Variants in NAA11 observed in about 807,000 individuals in gnomAD.
The protein encoded by NAA11 is N-alpha-acetyltransferase 11, NatA catalytic subunit.
In NAA11, 15 loss-of-function variants were observed where a neutral mutation model predicts 16.1. The ratio of observed to expected loss-of-function variants is 0.93; its 90% CI spans 0.62 to 1.44. The LOEUF (loss-of-function observed/expected upper bound fraction) is 1.44, where lower values mean the gene tolerates loss of function less well. Ranked by LOEUF, NAA11 falls within the 40% of genes most tolerant of loss-of-function variation. NAA11 has a pLI of 0.00. For missense variants in NAA11, 298 were observed against 291.3 expected (o/e 1.02, Z -0.17); for synonymous variants, 122 against 112.4 (o/e 1.09, Z -0.54).
downstream of NAA11, among the ~76,000 whole-genome samples, chr4:79,224,239 G>A (rs138776977): frequency 4.7e-3 from 722 of 152,212 alleles, 2 homozygotes; most frequent in Middle Eastern, 0.034. Context: ...GGCGGCCACT[G>A]CTACAGGCAC....
chr4:79,240,875 G>T (rs1420203384), intron 2 of NAA11, among the ~76,000 whole-genome samples: 1 of 152,016 alleles, frequency 6.6e-6, no homozygotes, highest in Non-Finnish European at 1.5e-5. Context: ...GAGAAGTATA[G>T]CAACTAAAAA....
chr4:79,312,915 T>C (rs193037024), downstream of NAA11, among the ~76,000 whole-genome samples: 1 of 152,336 alleles, frequency 6.6e-6, no homozygotes, highest in East Asian at 1.9e-4. Flanking sequence ...CTGAAAAATA[T>C]ATTACATATG....
intron 1 of NAA11, among the ~76,000 whole-genome samples, chr4:79,323,005 C>G (rs911603765): frequency 6.6e-6 from 1 of 152,156 alleles, no homozygotes; most frequent in Admixed American, 6.5e-5. Context: ...TCCATTTATT[C>G]TTAAATGCTA....
At chr4:79,247,600 C>T (rs1025701004) in intron 2 of NAA11, among the ~76,000 whole-genome samples, 3 of 152,014 alleles carry the variant, frequency 2.0e-5, no homozygotes, top group Admixed American at 1.3e-4. Context: ...CACCAAGTGA[C>T]CAGAACATCA....
intron 2 of NAA11, among the ~76,000 whole-genome samples, chr4:79,263,397 G>A (rs1263154506): frequency 6.6e-6 from 1 of 152,140 alleles, no homozygotes; most frequent in South Asian, 2.1e-4. Flanking sequence ...GTGAAAGTTT[G>A]AGCTCTGGGA....
At chr4:79,302,914 G>T (rs1723433428) in intron 1 of NAA11, among the ~76,000 whole-genome samples, 1 of 151,754 alleles carries the variant, frequency 6.6e-6, no homozygotes, top group East Asian at 1.9e-4. Flanking sequence ...CGTTAGATAA[G>T]ACAGAAATAA....
intron 2 of NAA11, among the ~76,000 whole-genome samples, chr4:79,268,553 T>A (rs961525669): frequency 4.6e-5 from 7 of 152,110 alleles, no homozygotes; most frequent in African/African-American, 1.7e-4. Flanking sequence ...AATTTTGCAA[T>A]TTCAAAAGAA....
At chr4:79,202,521 TACACACACACACAC>T in the NAA11 span, among the ~76,000 whole-genome samples, 2 of 135,212 alleles carry the variant, frequency 1.5e-5, no homozygotes, top group Non-Finnish European at 3.2e-5. Flanking sequence ...TAAACTTTTA[TACACACACACACAC>T]ACACACGCAC....
chr4:79,209,976 G>T, the NAA11 span, among the ~76,000 whole-genome samples: 1 of 152,096 alleles, frequency 6.6e-6, no homozygotes, highest in South Asian at 2.1e-4. Context: ...AACCTGGAAG[G>T]GGGACATTGC....
chr4:79,169,577 C>T, the NAA11 span, among the ~76,000 whole-genome samples: 19 of 83,534 alleles, frequency 2.3e-4, no homozygotes, highest in South Asian at 1.1e-3. Flanking sequence ...AACTGGACCC[C>T]GTCTTCATAC....
downstream of NAA11, among the ~76,000 whole-genome samples, chr4:79,220,756 A>C (rs892357049): frequency 2.6e-5 from 4 of 152,134 alleles, no homozygotes; most frequent in African/African-American, 9.7e-5. Flanking sequence ...TACCAGTACC[A>C]TGCTGTTTTG....
At chr4:79,280,841 T>A (rs1391893455) in intron 2 of NAA11, among the ~76,000 whole-genome samples, 1 of 151,934 alleles carries the variant, frequency 6.6e-6, no homozygotes, top group Admixed American at 6.6e-5. Context: ...TGAAGAAAAG[T>A]AATATAAAGA....
At position 79,293,187 on chromosome 4, in the gene NAA11, A is replaced by T. The variant is rs148842432; in HGVS notation, c.*122+818T>A. On this transcript the variant is annotated intron_variant and NMD_transcript_variant, in intron 2 of 2. Coordinates refer to the NAA11 transcript ENST00000511542. Reference sequence around the variant, plus strand: ...AATCGTGATTACTAAAGTAGACCTCATTTAAACCACAGGAAAGAAAAACTT... The same window carrying T: ...AATCGTGATTACTAAAGTAGACCTCTTTTAAACCACAGGAAAGAAAAACTT... 2.5e-3 allele frequency among the ~76,000 whole-genome samples: 375 copies of T among 152,306 alleles called. 3 individuals are homozygous for T. The highest frequency in any genetic ancestry group is 0.018 in the Admixed American group (272 of 15,294).
chr4:79,288,242 A>T (rs550532042), intron 2 of NAA11, among the ~76,000 whole-genome samples: 2 of 152,302 alleles, frequency 1.3e-5, no homozygotes, highest in Admixed American at 1.3e-4. Context: ...AGTCTGTATT[A>T]GCAGAAACAG....
At chr4:79,205,697 C>T in the NAA11 span, among the ~76,000 whole-genome samples, 1 of 151,930 alleles carries the variant, frequency 6.6e-6, no homozygotes, top group Non-Finnish European at 1.5e-5. Flanking sequence ...AGGTCAATGT[C>T]CAAAAGAGTT....
At chr4:79,320,469 C>T (rs2110016723) in intron 1 of NAA11, among the ~76,000 whole-genome samples, 1 of 152,318 alleles carries the variant, frequency 6.6e-6, no homozygotes, top group South Asian at 2.1e-4. Flanking sequence ...ATCATGGAGT[C>T]TGACCACCTG....
At chr4:79,304,231 T>C (rs1412995517) in intron 1 of NAA11, among the ~76,000 whole-genome samples, 1 of 152,182 alleles carries the variant, frequency 6.6e-6, no homozygotes, top group Non-Finnish European at 1.5e-5. Context: ...AAAATTATGG[T>C]CTACAGAGCA....
At chr4:79,231,529 C>T (rs563128352) in intron 2 of NAA11, among the ~76,000 whole-genome samples, 1 of 151,814 alleles carries the variant, frequency 6.6e-6, no homozygotes, top group Admixed American at 6.6e-5. Context: ...AGGTATTGGT[C>T]CTTTTTGAAA....
intron 2 of NAA11, among the ~76,000 whole-genome samples, chr4:79,288,369 T>C (rs1319740365): frequency 6.6e-6 from 1 of 152,208 alleles, no homozygotes; most frequent in African/African-American, 2.4e-5. Context: ...TAATATGTTG[T>C]AAGAAAAAAA....
Sources: gnomAD v4.1 joint callset for allele counts (sites outside exome capture counted in the v4.1 genomes callset) on GRCh38, gnomAD v4.1.1 for gene constraint, MANE v1.5 for transcripts, NCBI Gene and HGNC (gene_info 2026-07-23, HGNC 2026-07-21) for gene names.